Variants in HLCS observed in about 807,000 individuals in gnomAD.
HLCS encodes holocarboxylase synthetase.
A neutral mutation model predicts 75.0 loss-of-function variants in HLCS; 53 were observed. The observed-to-expected ratio is 0.71, with a 90% CI of 0.57 to 0.89. The LOEUF is 0.89. Ranked by LOEUF, HLCS falls within the 40% of genes least tolerant of loss-of-function variation. The probability of loss-of-function intolerance (pLI) is 0.00; values close to 1 mark genes in which losing one functional copy is unlikely to be tolerated. For synonymous variants in HLCS, 431 were observed against 428.6 expected, an observed-to-expected ratio of 1.01 and a Z score of -0.07; for missense variants, 966 against 1,074.0, an observed-to-expected ratio of 0.90 and a Z score of 1.41.
At chr21:36,923,629 T>C (rs2066273384) in intron 5 of HLCS, among the ~76,000 whole-genome samples, 2 of 152,196 alleles carry the variant, frequency 1.3e-5, no homozygotes, top group African/African-American at 4.8e-5. Context: ...GTATTTACTC[T>C]GCAGGCGCTG....
chr21:36,967,463 A>T (rs1183738854), upstream of HLCS, among the ~76,000 whole-genome samples: 7 of 152,224 alleles, frequency 4.6e-5, no homozygotes, highest in Admixed American at 4.6e-4. Flanking sequence ...TCCTAACACC[A>T]GTGGGAAAAG....
At chr21:36,801,157 C>A (rs931769936) in intron 6 of HLCS, among the ~76,000 whole-genome samples, 34 of 152,230 alleles carry the variant, frequency 2.2e-4, no homozygotes, top group African/African-American at 7.2e-4. Flanking sequence ...AAATTAAAGA[C>A]CAGACTGGTC....
chr21:36,767,575 CTTGG>C (rs770243687), intron 6 of HLCS, among the ~76,000 whole-genome samples: 17,552 of 152,234 alleles, frequency 0.12, 1,848 homozygotes, highest in African/African-American at 0.28. Context: ...TTATTAAAGA[CTTGG>C]TTAGATTCTA....
chr21:36,915,062 C>G (rs577429247), intron 5 of HLCS, among the ~76,000 whole-genome samples: 24 of 152,326 alleles, frequency 1.6e-4, no homozygotes, highest in African/African-American at 5.1e-4. Context: ...CCTTCTGATG[C>G]TGACATGTCC....
chr21:36,805,134 T>C (rs1703401988), intron 6 of HLCS, among the ~76,000 whole-genome samples: 1 of 152,302 alleles, frequency 6.6e-6, no homozygotes, highest in Non-Finnish European at 1.5e-5. Flanking sequence ...GCCAGAAACA[T>C]GACGACATAA....
chr21:36,977,349 A>G (rs2068967712), intron 1 of HLCS, among the ~76,000 whole-genome samples: 1 of 152,118 alleles, frequency 6.6e-6, no homozygotes, highest in Non-Finnish European at 1.5e-5. Context: ...ACATGGGGCC[A>G]CTGCCCCCAC....
intron 6 of HLCS, chr21:36,804,415 G>T (rs1375133493): frequency 6.6e-6 from 1 of 152,238 alleles, no homozygotes; most frequent in African/African-American, 2.4e-5. Flanking sequence ...AAGCCGCTGG[G>T]TTCCTCCATA....
At chr21:36,851,369 C>T (rs75432885) in intron 6 of HLCS, among the ~76,000 whole-genome samples, 2 of 152,300 alleles carry the variant, frequency 1.3e-5, no homozygotes, top group African/African-American at 4.8e-5. Context: ...GCGATATTGT[C>T]ATTTGCAACA....
chr21:36,930,520 TTAAA>T, intron 4 of HLCS, 87 bp from the exon 5 acceptor site: 1 of 1,185,658 alleles, frequency 8.4e-7, no homozygotes, highest in Non-Finnish European at 1.2e-6. Flanking sequence ...CTTTTTTTTT[TTAAA>T]TTTAGAGACA....
intron 6 of HLCS, among the ~76,000 whole-genome samples, chr21:36,892,901 G>A (rs981992023): frequency 1.3e-5 from 2 of 152,142 alleles, no homozygotes; most frequent in African/African-American, 4.8e-5. Flanking sequence ...AATAAGCATT[G>A]AGAGAACCCA....
At chr21:36,782,236 C>CCTTCTGGGAAGGA (rs1281706262) in intron 6 of HLCS, among the ~76,000 whole-genome samples, 1 of 152,078 alleles carries the variant, frequency 6.6e-6, no homozygotes, top group African/African-American at 2.4e-5. Context: ...CTGAAGTACT[C>CCTTCTGGGAAGGA]CTTCTGAGGA....
intron 6 of HLCS, among the ~76,000 whole-genome samples, chr21:36,817,196 A>G (rs2835468): frequency 0.31 from 46,603 of 152,146 alleles, 7,565 homozygotes; most frequent in African/African-American, 0.38. Context: ...CAATCCTTCA[A>G]TATAAAGGTA....
At chr21:36,952,611 G>A (rs962789517) in intron 2 of HLCS, among the ~76,000 whole-genome samples, 14 of 152,056 alleles carry the variant, frequency 9.2e-5, no homozygotes, top group Admixed American at 7.2e-4. Flanking sequence ...GGCCAACATG[G>A]TGAAACTCCG....
Position 36,754,047 on chromosome 21 carries a change from T to A in HLCS, c.*199A>T. Reference sequence around the variant, plus strand: ...CTTTCCCTAAACTAAATTTTCTACTTCTTAACCATCTATCCCAGAGCCTCT... The same window carrying A: ...CTTTCCCTAAACTAAATTTTCTACTACTTAACCATCTATCCCAGAGCCTCT... On this transcript the variant is annotated 3_prime_UTR_variant, in exon 11 of 11. Coordinates refer to ENST00000674895, the MANE Select transcript of HLCS (RefSeq NM_001352514.2). 1 of 641,400 alleles carries A rather than the reference T, an allele frequency of 1.6e-6. No individual in the cohort carries two copies. Among genetic ancestry groups the A allele is most frequent in the Non-Finnish European group, 2.7e-6 (1 of 375,760 alleles). 39.7% of individuals were successfully genotyped at this position (641,400 alleles called of 1,614,324 possible).
intron 6 of HLCS, among the ~76,000 whole-genome samples, chr21:36,887,999 C>T (rs116775228): frequency 0.015 from 2,340 of 152,278 alleles, 60 homozygotes; most frequent in African/African-American, 0.052. Context: ...TAGGACAACA[C>T]TGTCAAGCTC....
At chr21:36,915,451 G>C (rs973646799) in intron 5 of HLCS, among the ~76,000 whole-genome samples, 1 of 152,166 alleles carries the variant, frequency 6.6e-6, no homozygotes, top group Admixed American at 6.5e-5. Context: ...CCAACTGGCT[G>C]TCACCATGAC....
chr21:36,784,670 G>A (rs1215970759), intron 6 of HLCS, among the ~76,000 whole-genome samples: 1 of 151,986 alleles, frequency 6.6e-6, no homozygotes, highest in Non-Finnish European at 1.5e-5. Flanking sequence ...AGGCTATAAG[G>A]CTTTCTAGAA....
At chr21:36,948,118 C>T (rs192459819) in intron 2 of HLCS, 80 of 243,994 alleles carry the variant, frequency 3.3e-4, no homozygotes, top group African/African-American at 1.8e-3. Flanking sequence ...GGTGAAACCC[C>T]CGCCTCTACT....
At chr21:36,768,053 G>A (rs996738645) in intron 6 of HLCS, among the ~76,000 whole-genome samples, 1 of 152,168 alleles carries the variant, frequency 6.6e-6, no homozygotes, top group African/African-American at 2.4e-5. Context: ...TGCAAGCTGC[G>A]CTCTCCCTAT....
Sources: allele counts gnomAD v4.1 joint callset (sites outside exome capture counted in the v4.1 genomes callset), GRCh38; gene constraint gnomAD v4.1.1; transcripts MANE v1.5; gene names NCBI Gene and HGNC (gene_info 2026-07-23, HGNC 2026-07-21).